The following RANBP2 variants were observed in gnomAD, a reference collection of about 807,000 sequenced individuals.
RANBP2 encodes RAN binding protein 2.
A neutral mutation model predicts 303.6 loss-of-function variants in RANBP2; 57 were observed. The observed-to-expected ratio is 0.19, with a 90% confidence interval of 0.15 to 0.23. The LOEUF is 0.23. Ranked by LOEUF, RANBP2 falls within the 10% of genes least tolerant of loss-of-function variation. RANBP2 has a pLI of 1.00. For synonymous variants in RANBP2, 1,167 were observed against 1,301.5 expected (o/e 0.90, Z 2.23); for missense variants, 3,138 against 3,780.8 (o/e 0.83, Z 4.46).
chr2:108,849,458 C>T, the RANBP2 span, among the ~76,000 whole-genome samples: 57 of 152,208 alleles, frequency 3.7e-4, no homozygotes, highest in Middle Eastern at 3.4e-3. Context: ...CACTGGATTT[C>T]AGGAATACTG....
intron 23 of RANBP2, among the ~76,000 whole-genome samples, chr2:108,774,559 C>G (rs1020581392): frequency 1.3e-5 from 2 of 152,178 alleles, no homozygotes; most frequent in East Asian, 3.8e-4. Context: ...TGGTTGTTGA[C>G]TTGGTGCCAT....
the RANBP2 span, among the ~76,000 whole-genome samples, chr2:109,059,948 G>A: frequency 6.6e-6 from 1 of 152,126 alleles, no homozygotes; most frequent in South Asian, 2.1e-4. Flanking sequence ...TGGCTGTTAG[G>A]ACTGGCCAGG....
At chr2:109,483,475 A>G in the RANBP2 span, among the ~76,000 whole-genome samples, 1 of 152,032 alleles carries the variant, frequency 6.6e-6, no homozygotes, top group Non-Finnish European at 1.5e-5. Context: ...TCCCCGCAAG[A>G]CCTTGGCACC....
At chr2:108,980,794 G>A in the RANBP2 span, among the ~76,000 whole-genome samples, 4 of 152,156 alleles carry the variant, frequency 2.6e-5, no homozygotes, top group East Asian at 1.9e-4. Flanking sequence ...GTGGGGTCAC[G>A]GTGTCACTGG....
chr2:109,240,915 T>G, the RANBP2 span, among the ~76,000 whole-genome samples: 1 of 149,030 alleles, frequency 6.7e-6, no homozygotes, highest in South Asian at 2.2e-4. Flanking sequence ...GCTCCCCGCT[T>G]CTTTTCTCAT....
At chr2:109,285,437 A>G in the RANBP2 span, among the ~76,000 whole-genome samples, 2 of 152,196 alleles carry the variant, frequency 1.3e-5, no homozygotes, top group East Asian at 3.9e-4. Flanking sequence ...TCTCCAGTGC[A>G]GTGTGCCTGC....
chr2:109,258,018 G>A, the RANBP2 span, among the ~76,000 whole-genome samples: 1 of 152,036 alleles, frequency 6.6e-6, no homozygotes, highest in Non-Finnish European at 1.5e-5. Flanking sequence ...CCACATACCT[G>A]TGCACACATG....
chr2:109,599,252 G>A, the RANBP2 span, among the ~76,000 whole-genome samples: 1 of 152,032 alleles, frequency 6.6e-6, no homozygotes, highest in South Asian at 2.1e-4. Context: ...GAGGTCAGGA[G>A]TTTGAGACCA....
At chr2:108,754,761 AAC>A (rs1676165737) in intron 15 of RANBP2, 142 bp from the exon 16 acceptor site, 2 of 1,233,494 alleles carry the variant, frequency 1.6e-6, no homozygotes, top group African/African-American at 2.2e-5. Context: ...ATAATTAAAA[AAC>A]ACTTTCACGT....
At chr2:109,020,682 C>A in the RANBP2 span, among the ~76,000 whole-genome samples, 1 of 152,302 alleles carries the variant, frequency 6.6e-6, no homozygotes, top group African/African-American at 2.4e-5. Context: ...GGGAGCCTGC[C>A]TGAGTGCAGG....
Position 108,768,022 on chromosome 2 carries a change from G to T in RANBP2, c.7483G>T (p.Val2495Phe). The change falls in exon 20 of 29, where the codon GTT (valine) becomes TTT (phenylalanine). Residue 2495 changes from valine to phenylalanine, a missense_variant. Around this residue, in one of 20 missense-constraint regions of RANBP2, gnomAD observed 497 missense variants for 465.8 expected, o/e 1.07. Coordinates refer to ENST00000283195, the MANE Select transcript of RANBP2 (RefSeq NM_006267.5). Reference sequence around the variant, plus strand: ...TGATGTAGCAGATGCAACTTCAGAAGTTGAAGTGTCTAGCACATCTGAAAC... The same window carrying T: ...TGATGTAGCAGATGCAACTTCAGAATTTGAAGTGTCTAGCACATCTGAAAC... ...GDDVADATSE[V>F]EVSSTSETTP... is the part of the protein sequence containing the mutation. 2 of 1,612,000 alleles carry T rather than the reference G, an allele frequency of 1.2e-6. No individual in the cohort carries two copies. Among genetic ancestry groups the T allele is most frequent in the South Asian group, 2.2e-5 (2 of 90,992 alleles).
At chr2:109,591,189 A>T in the RANBP2 span, among the ~76,000 whole-genome samples, 2 of 152,182 alleles carry the variant, frequency 1.3e-5, no homozygotes, top group African/African-American at 4.8e-5. Flanking sequence ...CTTCCTCGTG[A>T]AAGTGTTCAA....
At chr2:108,947,295 C>G in the RANBP2 span, among the ~76,000 whole-genome samples, 1 of 152,144 alleles carries the variant, frequency 6.6e-6, no homozygotes, top group East Asian at 1.9e-4. Flanking sequence ...GCTCCTGTAA[C>G]TGCTTTCATG....
the RANBP2 span, among the ~76,000 whole-genome samples, chr2:108,930,402 C>G: frequency 6.6e-6 from 1 of 152,072 alleles, no homozygotes; most frequent in Admixed American, 6.6e-5. Context: ...CTCACTGCTG[C>G]TAAGTCTCCA....
chr2:108,877,511 G>C, the RANBP2 span, among the ~76,000 whole-genome samples: 1 of 151,862 alleles, frequency 6.6e-6, no homozygotes, highest in Non-Finnish European at 1.5e-5. Context: ...AGAAGCCAAA[G>C]TGCACATTAG....
the RANBP2 span, among the ~76,000 whole-genome samples, chr2:109,331,647 T>C: frequency 1.3e-5 from 2 of 152,246 alleles, no homozygotes; most frequent in Non-Finnish European, 2.9e-5. Context: ...TGTCCCCTTA[T>C]AAAGTGTATG....
the RANBP2 span, among the ~76,000 whole-genome samples, chr2:109,048,025 C>T: frequency 6.6e-6 from 1 of 152,236 alleles, no homozygotes; most frequent in Non-Finnish European, 1.5e-5. Context: ...CCTGCCGTTA[C>T]TTCTGAGGAC....
chr2:109,213,123 T>G, the RANBP2 span, among the ~76,000 whole-genome samples: 1 of 152,204 alleles, frequency 6.6e-6, no homozygotes, highest in African/African-American at 2.4e-5. Flanking sequence ...TGCTCTGGGC[T>G]GCAAGTCATG....
chr2:109,322,303 C>T, the RANBP2 span, among the ~76,000 whole-genome samples: 1 of 152,156 alleles, frequency 6.6e-6, no homozygotes, highest in African/African-American at 2.4e-5. Context: ...GCTCTGTAAA[C>T]CCATGGAGTC....
Sources: gnomAD v4.1 joint callset for allele counts (sites outside exome capture counted in the v4.1 genomes callset) on GRCh38, gnomAD v4.1.1 for gene constraint, gnomAD v4.1.1 regional missense constraint, MANE v1.5 for transcripts, NCBI Gene and HGNC (gene_info 2026-07-23, HGNC 2026-07-21) for gene names.